LINGO2: variants seen among roughly 807,000 people sequenced by gnomAD.
LINGO2 encodes leucine rich repeat and Ig domain containing 2.
LINGO2 carries 14 observed loss-of-function variants against 30.6 expected under a neutral mutation model. That is an observed-to-expected ratio of 0.46 (90% confidence interval 0.30 to 0.72). The LOEUF is 0.72. Among genes scored for constraint, LINGO2 ranks in the 30% least tolerant of loss-of-function variants. The pLI is 0.07. For missense variants in LINGO2, 729 were observed against 751.7 expected (o/e 0.97, Z 0.35); for synonymous variants, 317 against 288.5 (o/e 1.10, Z -1.00).
Position 28,372,745 on chromosome 9 carries a change from G to T in LINGO2, c.-246+91C>A, listed in dbSNP as rs575154709. The T allele has an allele frequency of 2.6e-5, 4 of 152,530 alleles. No homozygotes were observed. In the East Asian group the frequency reaches 7.7e-4, roughly 29 times the overall value. The allele number at this position is 152,530 out of a possible 1,614,324, so 9.4% of individuals were successfully genotyped here. A position where few individuals can be genotyped will look rare whatever the true frequency, so the allele number is the denominator to read the frequency against. Reference sequence around the variant, plus strand: ...TTAACTAGCTTAATTATTCCACATTGCAGTCATAAACTATAACATTAGTTT... The same window carrying T: ...TTAACTAGCTTAATTATTCCACATTTCAGTCATAAACTATAACATTAGTTT... On this transcript the variant is annotated intron_variant, in intron 3 of 5. Coordinates refer to ENST00000379992, the Ensembl canonical transcript of LINGO2.
chr9:28,580,663 C>T (rs191913089), intron 1 of LINGO2, among the ~76,000 whole-genome samples: 13 of 152,086 alleles, frequency 8.5e-5, no homozygotes, highest in African/African-American at 2.4e-4. Context: ...TCCACTGAGA[C>T]GCACAGCATG....
the LINGO2 span, among the ~76,000 whole-genome samples, chr9:28,819,120 C>A: frequency 1.3e-5 from 2 of 152,174 alleles, no homozygotes; most frequent in African/African-American, 4.8e-5. Context: ...AGGTCCTCAG[C>A]AGCCTGTTCT....
At chr9:29,095,375 G>A in the LINGO2 span, among the ~76,000 whole-genome samples, 1 of 137,774 alleles carries the variant, frequency 7.3e-6, no homozygotes, top group Non-Finnish European at 1.6e-5. Context: ...AAATTTAAGT[G>A]TATTCTGCCT....
intron 3 of LINGO2, among the ~76,000 whole-genome samples, chr9:28,325,148 C>T (rs1268697621): frequency 6.6e-6 from 1 of 151,412 alleles, no homozygotes; most frequent in Non-Finnish European, 1.5e-5. Flanking sequence ...CTCAGCTTGA[C>T]TAAACTTTAG....
At position 28,147,431 on chromosome 9, in the gene LINGO2, C is replaced by A. The variant is rs1219593049; in HGVS notation, c.-86-135026G>T. ...GGGCACCGCGTTCTCTCTTTGGAAA[C>A]CTGTGGAGCGAGGCTGGTGGCCCTT... is the stretch of plus-strand genomic sequence containing the variant. On this transcript the variant is annotated intron_variant, in intron 4 of 5. Coordinates refer to ENST00000379992, the Ensembl canonical transcript of LINGO2. This position sits in a 1 kb window ranked among gnomAD's most constrained non-coding sequence, Gnocchi z 4.7. 6.6e-6 allele frequency among the ~76,000 whole-genome samples: 1 copy of A among 152,216 alleles called. No individual in the cohort carries two copies. Among genetic ancestry groups the A allele is most frequent in the African/African-American group, 2.4e-5 (1 of 41,470 alleles).
chr9:28,993,822 G>T, the LINGO2 span, among the ~76,000 whole-genome samples: 9 of 152,040 alleles, frequency 5.9e-5, no homozygotes, highest in East Asian at 1.9e-4. Flanking sequence ...CAACAACCCT[G>T]CATGCTAAAA....
At chr9:28,244,675 C>A (rs1214126648) in intron 4 of LINGO2, among the ~76,000 whole-genome samples, 1 of 151,978 alleles carries the variant, frequency 6.6e-6, no homozygotes, top group Non-Finnish European at 1.5e-5. Context: ...CTATAAACAA[C>A]CCTACACAAA....
chr9:28,154,329 T>C (rs1299754170), intron 4 of LINGO2, among the ~76,000 whole-genome samples: 1 of 152,200 alleles, frequency 6.6e-6, no homozygotes, highest in Non-Finnish European at 1.5e-5. Context: ...CTACTCAAAA[T>C]AAAGTTCACC....
the LINGO2 span, among the ~76,000 whole-genome samples, chr9:28,821,967 C>T: frequency 0.025 from 3,765 of 152,178 alleles, 136 homozygotes; most frequent in African/African-American, 0.085. Flanking sequence ...TCAAGGTGAA[C>T]CTGGATACTG....
chr9:29,132,010 C>T, the LINGO2 span, among the ~76,000 whole-genome samples: 2 of 151,610 alleles, frequency 1.3e-5, no homozygotes, highest in South Asian at 4.2e-4. Flanking sequence ...GATCATGTGA[C>T]AAGGTTTCCA....
intron 5 of LINGO2, among the ~76,000 whole-genome samples, chr9:27,965,718 T>A (rs1300089747): frequency 6.6e-6 from 1 of 152,144 alleles, no homozygotes; most frequent in East Asian, 1.9e-4. Flanking sequence ...TTGGCCTACA[T>A]AGAAATACTT....
At chr9:28,003,493 G>C (rs574043989) in intron 5 of LINGO2, among the ~76,000 whole-genome samples, 6 of 152,172 alleles carry the variant, frequency 3.9e-5, no homozygotes, top group Admixed American at 1.3e-4. Flanking sequence ...GAGTCTCGCT[G>C]TGTTGCCCAG....
chr9:28,945,643 G>A, the LINGO2 span, among the ~76,000 whole-genome samples: 1 of 152,050 alleles, frequency 6.6e-6, no homozygotes, highest in Non-Finnish European at 1.5e-5. Flanking sequence ...AAATTCTTAG[G>A]ACTCAACCTA....
intron 4 of LINGO2, among the ~76,000 whole-genome samples, chr9:28,136,755 T>TG (rs1827529199): frequency 6.6e-6 from 1 of 152,184 alleles, no homozygotes. Context: ...GACTGGGCCA[T>TG]GGAGTTCTCA....
rs968837167 is a variant in LINGO2 at position 28,105,165 on chromosome 9, A to C, written c.-86-92760T>G. ...TGCATGAACAGCTGAAGACAAAAAT[A>C]CTCCACTTCTGTTTTCCCTCTCAAC... On this transcript the variant is annotated intron_variant, in intron 4 of 5. Coordinates refer to ENST00000379992, the Ensembl canonical transcript of LINGO2. Among the ~76,000 whole-genome samples the C allele has an allele frequency of 3.3e-5, 5 of 152,138 alleles. No homozygotes were observed. In the East Asian group the frequency reaches 5.8e-4, roughly 18 times the overall value.
chr9:28,684,433 C>A, the LINGO2 span, among the ~76,000 whole-genome samples: 12 of 151,074 alleles, frequency 7.9e-5, no homozygotes, highest in Non-Finnish European at 1.2e-4. Flanking sequence ...TCGTGATCTG[C>A]CTGCCTCGGC....
chr9:28,958,589 G>A, the LINGO2 span, among the ~76,000 whole-genome samples: 1 of 152,006 alleles, frequency 6.6e-6, no homozygotes. Context: ...CCAGGAATCG[G>A]CATCTCCCCT....
chr9:28,423,850 A>G (rs1371522552), intron 2 of LINGO2, among the ~76,000 whole-genome samples: 1 of 152,136 alleles, frequency 6.6e-6, no homozygotes, highest in African/African-American at 2.4e-5. Context: ...AGAGAAATAG[A>G]ATGATGGAGT....
At chr9:28,951,109 T>G in the LINGO2 span, among the ~76,000 whole-genome samples, 4 of 152,030 alleles carry the variant, frequency 2.6e-5, no homozygotes, top group Non-Finnish European at 5.9e-5. Context: ...CCACCTGATC[T>G]TTGACAAACC....
Sources: allele counts gnomAD v4.1 joint callset (sites outside exome capture counted in the v4.1 genomes callset), GRCh38; gene constraint gnomAD v4.1.1; non-coding constraint Gnocchi (gnomAD v3.1); transcripts MANE v1.5; gene names NCBI Gene and HGNC (gene_info 2026-07-23, HGNC 2026-07-21).